The following CNTNAP5 variants were observed in gnomAD, a reference collection of about 807,000 sequenced individuals.
The protein encoded by CNTNAP5 is contactin-associated protein-like 5.
In CNTNAP5, 72 loss-of-function variants were observed where a neutral mutation model predicts 150.2. That is an observed-to-expected ratio of 0.48 (90% CI 0.40 to 0.58). The LOEUF (loss-of-function observed/expected upper bound fraction) is 0.58. Among genes scored for constraint, CNTNAP5 ranks in the 20% least tolerant of loss-of-function variants. The probability of loss-of-function intolerance (pLI) is 0.00; values close to 1 mark genes in which losing one functional copy is unlikely to be tolerated. For synonymous variants in CNTNAP5, 672 were observed against 619.8 expected, an observed-to-expected ratio of 1.08 and a Z score of -1.25; for missense variants, 1,636 against 1,626.2, an observed-to-expected ratio of 1.01 and a Z score of -0.10.
intron 11 of CNTNAP5, among the ~76,000 whole-genome samples, chr2:124,582,203 G>C (rs926142991): frequency 1.3e-5 from 2 of 152,140 alleles, no homozygotes; most frequent in Middle Eastern, 3.4e-3. Context: ...GCTGTGTCTC[G>C]TGTCTGTCAT....
intron 3 of CNTNAP5, among the ~76,000 whole-genome samples, chr2:124,349,428 T>A (rs1573932821): frequency 1.3e-5 from 2 of 152,348 alleles, no homozygotes; most frequent in Middle Eastern, 6.8e-3. Context: ...TGCATGACTG[T>A]ATTAGTTTGA....
chr2:124,441,960 TAA>T (rs1255071461), intron 5 of CNTNAP5, among the ~76,000 whole-genome samples: 2 of 151,762 alleles, frequency 1.3e-5, no homozygotes, highest in African/African-American at 2.4e-5. Flanking sequence ...TAAGTATTCA[TAA>T]AAATTTCATG....
chr2:124,057,448 A>ATTTTTTTT (rs556571236), intron 1 of CNTNAP5, among the ~76,000 whole-genome samples: 983 of 62,758 alleles, frequency 0.016, 159 homozygotes, highest in African/African-American at 0.05. Flanking sequence ...CGGCCAGCTA[A>ATTTTTTTT]TTTTTTTTTT....
intron 11 of CNTNAP5, among the ~76,000 whole-genome samples, chr2:124,588,749 C>G (rs1696611682): frequency 6.6e-6 from 1 of 152,122 alleles, no homozygotes; most frequent in Non-Finnish European, 1.5e-5. Flanking sequence ...GCAACTGTTG[C>G]TACGTTTTAT....
chr2:124,028,232 A>G (rs1299852672), intron 1 of CNTNAP5, among the ~76,000 whole-genome samples: 1 of 152,086 alleles, frequency 6.6e-6, no homozygotes, highest in Non-Finnish European at 1.5e-5. Context: ...TCAGGTATAC[A>G]TAACTTCTAA....
chr2:124,377,543 C>T (rs116195338), intron 3 of CNTNAP5, among the ~76,000 whole-genome samples: 8,700 of 151,908 alleles, frequency 0.057, 382 homozygotes, highest in East Asian at 0.25. Context: ...GTCGTGGTGG[C>T]ATGCGCCTGT....
At chr2:124,790,773 A>G (rs1048310625) in intron 18 of CNTNAP5, among the ~76,000 whole-genome samples, 3 of 152,176 alleles carry the variant, frequency 2.0e-5, no homozygotes, top group African/African-American at 7.2e-5. Context: ...TGAGTTCATT[A>G]CATTGACACA....
intron 3 of CNTNAP5, among the ~76,000 whole-genome samples, chr2:124,322,161 T>A (rs1224198067): frequency 6.7e-6 from 1 of 149,028 alleles, no homozygotes; most frequent in Non-Finnish European, 1.5e-5. Flanking sequence ...AAAATAATAA[T>A]AATAAAATAA....
intron 1 of CNTNAP5, among the ~76,000 whole-genome samples, chr2:124,066,808 C>G (rs1210750405): frequency 6.6e-6 from 1 of 152,098 alleles, no homozygotes; most frequent in African/African-American, 2.4e-5. Flanking sequence ...TTTTTGTGCA[C>G]TGTAAAAATT....
chr2:124,654,112 G>A (rs1170399706), intron 13 of CNTNAP5, among the ~76,000 whole-genome samples: 3 of 152,238 alleles, frequency 2.0e-5, no homozygotes, highest in South Asian at 2.1e-4. Flanking sequence ...CCTTTTTGGG[G>A]CAGAAGATTC....
chr2:124,237,581 C>T (rs1192133561), intron 2 of CNTNAP5, among the ~76,000 whole-genome samples: 1 of 152,116 alleles, frequency 6.6e-6, no homozygotes, highest in Non-Finnish European at 1.5e-5. Flanking sequence ...CACCTGTAAT[C>T]CCAGCACTCA....
Position 124,483,274 on chromosome 2 carries a change from G to A in CNTNAP5, c.1062+8392G>A, listed in dbSNP as rs182270140. Reference sequence around the variant, plus strand: ...ACCTGGAGTTGCTACATTGTAGGGAGGCCTAGAGAGCACTGGAAGACAGGC... The same window carrying A: ...ACCTGGAGTTGCTACATTGTAGGGAAGCCTAGAGAGCACTGGAAGACAGGC... On this transcript the variant is annotated intron_variant, in intron 7 of 23. Coordinates refer to ENST00000682447, the MANE Select transcript of CNTNAP5 (RefSeq NM_001367498.1). Among the ~76,000 whole-genome samples, 4 of 152,290 alleles carry A rather than the reference G, an allele frequency of 2.6e-5. No individual in the cohort carries two copies. In the East Asian group the frequency reaches 7.7e-4, roughly 29 times the overall value.
intron 19 of CNTNAP5, among the ~76,000 whole-genome samples, chr2:124,839,738 A>G (rs1456551085): frequency 6.6e-6 from 1 of 152,078 alleles, no homozygotes; most frequent in Non-Finnish European, 1.5e-5. Context: ...TTAGCATCTG[A>G]CCCAGCCCGG....
chr2:124,738,728 C>CAAAAAAA (rs35823681), intron 13 of CNTNAP5, among the ~76,000 whole-genome samples: 2 of 130,098 alleles, frequency 1.5e-5, no homozygotes, highest in Non-Finnish European at 3.2e-5. Context: ...GAGACTCCAT[C>CAAAAAAA]AAAAAAAAAA....
intron 10 of CNTNAP5, among the ~76,000 whole-genome samples, chr2:124,529,525 G>C (rs184128475): frequency 6.6e-6 from 1 of 152,230 alleles, no homozygotes; most frequent in African/African-American, 2.4e-5. Flanking sequence ...GGGAAAGCTG[G>C]GGCAAGGGAC....
chr2:124,723,021 C>T (rs1327296775), intron 13 of CNTNAP5, among the ~76,000 whole-genome samples: 12 of 152,102 alleles, frequency 7.9e-5, no homozygotes, highest in Admixed American at 7.9e-4. Context: ...AATCTCTTTA[C>T]CAAATAATTT....
rs1361657680 is a variant in CNTNAP5 at position 124,865,307 on chromosome 2, A to T, written c.3219A>T (p.Gly1073=). ...AATTTCTAATATTTTTCTTTCAAGG[A>T]AGCTTACAGGTTCGCTATCACCTAA... ...DFVVVLLCKN[G]SLQVRYHLNK... The change falls in exon 20 of 24, where the codon GGA becomes GGT. Residue 1073 remains glycine, a splice_region_variant and synonymous_variant. Coordinates refer to ENST00000682447, the MANE Select transcript of CNTNAP5 (RefSeq NM_001367498.1). 1 of 1,558,082 alleles carries T rather than the reference A, an allele frequency of 6.4e-7. No homozygotes were observed. The highest frequency in any genetic ancestry group is 1.2e-5 in the South Asian group (1 of 84,454).
chr2:124,608,225 A>G (rs1677298237), intron 11 of CNTNAP5, among the ~76,000 whole-genome samples: 1 of 152,168 alleles, frequency 6.6e-6, no homozygotes. Context: ...AAAGCATCAT[A>G]GGGTGACATG....
intron 3 of CNTNAP5, among the ~76,000 whole-genome samples, chr2:124,348,665 T>C (rs552206110): frequency 1.3e-5 from 2 of 152,304 alleles, no homozygotes; most frequent in South Asian, 4.1e-4. Context: ...ATTTGGCACA[T>C]AACCGAAGGA....
Sources: allele counts gnomAD v4.1 joint callset (sites outside exome capture counted in the v4.1 genomes callset), GRCh38; gene constraint gnomAD v4.1.1; transcripts MANE v1.5; gene names NCBI Gene and HGNC (gene_info 2026-07-23, HGNC 2026-07-21).